The following DLGAP1 variants were observed in gnomAD, a reference collection of about 807,000 sequenced individuals.
The protein encoded by DLGAP1 is DLG associated protein 1.
Under a neutral mutation model 90.8 loss-of-function variants are expected in DLGAP1, and 11 were observed. That is an observed-to-expected ratio of 0.12 (90% CI 0.08 to 0.20). The LOEUF is 0.20. DLGAP1 is among the 10% of genes least tolerant of loss of function. DLGAP1 has a pLI of 1.00. For synonymous variants in DLGAP1, 558 were observed against 540.7 expected, an observed-to-expected ratio of 1.03 and a Z score of -0.44; for missense variants, 1,050 against 1,333.8, an observed-to-expected ratio of 0.79 and a Z score of 3.31.
At chr18:3,972,493 T>TCA (rs1247005949) in intron 3 of DLGAP1, among the ~76,000 whole-genome samples, 78 of 151,512 alleles carry the variant, frequency 5.1e-4, no homozygotes, top group African/African-American at 1.7e-3. Context: ...GGCAGTTGAG[T>TCA]CACACACACA....
intron 11 of DLGAP1, among the ~76,000 whole-genome samples, chr18:3,505,502 G>A (rs536774042): frequency 2.0e-5 from 3 of 151,584 alleles, no homozygotes; most frequent in African/African-American, 7.3e-5. Context: ...GCTGGGTGTC[G>A]TGGTGGGCGC....
chr18:4,108,841 AG>A (rs34431203), intron 2 of DLGAP1, among the ~76,000 whole-genome samples: 10,723 of 152,244 alleles, frequency 0.07, 551 homozygotes, highest in East Asian at 0.18. Flanking sequence ...AGAAGGAGAA[AG>A]GGCTCAGGCA....
chr18:3,922,322 A>C (rs1026511543), intron 3 of DLGAP1, among the ~76,000 whole-genome samples: 1 of 152,182 alleles, frequency 6.6e-6, no homozygotes, highest in Non-Finnish European at 1.5e-5. Flanking sequence ...TGAAAAGGAG[A>C]GGTGCCCGGC....
At chr18:4,225,805 A>C (rs999269427) in intron 1 of DLGAP1, among the ~76,000 whole-genome samples, 1 of 152,124 alleles carries the variant, frequency 6.6e-6, no homozygotes, top group Non-Finnish European at 1.5e-5. Flanking sequence ...CAAGTTCTAA[A>C]AAATAGCCCC....
chr18:3,973,754 G>A (rs1262708536), intron 3 of DLGAP1, among the ~76,000 whole-genome samples: 3 of 152,168 alleles, frequency 2.0e-5, no homozygotes, highest in South Asian at 2.1e-4. Flanking sequence ...CCCAGGGCTC[G>A]GGATCCATGT....
intron 2 of DLGAP1, among the ~76,000 whole-genome samples, chr18:4,093,403 C>T (rs1050843872): frequency 6.6e-6 from 1 of 152,112 alleles, no homozygotes; most frequent in South Asian, 2.1e-4. Flanking sequence ...GGACCAAATG[C>T]TGATTTAACA....
chr18:4,033,727 T>G (rs1417396554), intron 2 of DLGAP1, among the ~76,000 whole-genome samples: 4 of 151,380 alleles, frequency 2.6e-5, no homozygotes, highest in Non-Finnish European at 4.4e-5. Context: ...TGATTACCAC[T>G]GAAGTTTAGC....
At chr18:3,740,167 T>C (rs779628191) in intron 6 of DLGAP1, among the ~76,000 whole-genome samples, 1 of 152,232 alleles carries the variant, frequency 6.6e-6, no homozygotes, top group African/African-American at 2.4e-5. Flanking sequence ...GTATTCTGCA[T>C]GTATGACCCC....
intron 3 of DLGAP1, among the ~76,000 whole-genome samples, chr18:3,958,776 G>A (rs760117579): frequency 2.0e-5 from 3 of 152,182 alleles, no homozygotes; most frequent in Non-Finnish European, 2.9e-5. Flanking sequence ...AGGAGCTGAT[G>A]AGTAGCCAGT....
At chr18:3,717,750 C>T (rs2061815803) in intron 7 of DLGAP1, among the ~76,000 whole-genome samples, 1 of 152,198 alleles carries the variant, frequency 6.6e-6, no homozygotes, top group African/African-American at 2.4e-5. Flanking sequence ...TCTCAATTAA[C>T]AGATATTCAT....
At chr18:3,651,098 C>T (rs192077844) in intron 7 of DLGAP1, among the ~76,000 whole-genome samples, 39 of 150,246 alleles carry the variant, frequency 2.6e-4, no homozygotes, top group East Asian at 2.6e-3. Flanking sequence ...CGGTGGCTCA[C>T]GCCTGGAATC....
At chr18:3,792,153 C>T (rs1051144999) in intron 5 of DLGAP1, among the ~76,000 whole-genome samples, 1 of 152,112 alleles carries the variant, frequency 6.6e-6, no homozygotes, top group Non-Finnish European at 1.5e-5. Flanking sequence ...AGGGCAGCAG[C>T]CCTCTTCCCT....
At chr18:3,663,199 AG>A (rs990538666) in intron 7 of DLGAP1, among the ~76,000 whole-genome samples, 16 of 151,828 alleles carry the variant, frequency 1.1e-4, no homozygotes, top group African/African-American at 3.9e-4. Context: ...TGAATCTGGG[AG>A]GTGGAGGTTG....
rs1272466980 is a variant in DLGAP1, at chr18:3,729,805, C to T, written c.1351-430G>A. ...TGACATTCTTATTTATAAAGGCAAA[C>T]TTGGAGAAGAATTTTACCAGTCCAT... On this transcript the variant is annotated intron_variant, in intron 6 of 12. Coordinates refer to ENST00000315677, the MANE Select transcript of DLGAP1 (RefSeq NM_004746.4). The surrounding 1 kb of genome is among the most constrained non-coding windows in gnomAD (Gnocchi z 6.2). Among the ~76,000 whole-genome samples the T allele has an allele frequency of 1.3e-5, 2 of 152,176 alleles. No homozygotes were observed. Among genetic ancestry groups the T allele is most frequent in the African/African-American group, 4.8e-5 (2 of 41,438 alleles).
At chr18:3,837,849 C>CAAAAAAAAAAAAAAAAAA (rs5822770) in intron 4 of DLGAP1, among the ~76,000 whole-genome samples, 1 of 26,820 alleles carries the variant, frequency 3.7e-5, no homozygotes, top group Non-Finnish European at 6.3e-5. Flanking sequence ...GAGATTCTGT[C>CAAAAAAAAAAAAAAAAAA]AAAAAAAAAA....
intron 5 of DLGAP1, among the ~76,000 whole-genome samples, chr18:3,757,302 G>A (rs2063756990): frequency 1.3e-5 from 2 of 152,186 alleles, no homozygotes; most frequent in African/African-American, 4.8e-5. Flanking sequence ...CAGCTACTTA[G>A]GAGGCTTGAG....
rs60379984 is a variant in DLGAP1, at chr18:4,354,887, CAAAAAAAAAAAAA to C, written c.-267+100106_-267+100118del. On this transcript the variant is annotated intron_variant, in intron 1 of 12. Transcript: ENST00000315677. ...TGGCTTTTTCTGCAATTACTCTCACCAAAAAAAAAAAAAAAAAAAAAAAAAAAAAAAAAAAAAT... is the reference window on the plus strand; with the variant it reads ...TGGCTTTTTCTGCAATTACTCTCACCAAAAAAAAAAAAAAAAAAAAAAAAT... Among the ~76,000 whole-genome samples the C allele has an allele frequency of 5.6e-3, 134 of 23,862 alleles. 1 individual carries two copies. Among genetic ancestry groups the C allele is most frequent in the Middle Eastern group, 0.029 (1 of 34 alleles). The allele number at this position is 23,862 out of a possible 152,430, so 15.7% of individuals were successfully genotyped here. A position where few individuals can be genotyped will look rare whatever the true frequency, so the allele number is the denominator to read the frequency against.
intron 7 of DLGAP1, among the ~76,000 whole-genome samples, chr18:3,671,266 A>G (rs973730237): frequency 2.0e-5 from 3 of 150,684 alleles, no homozygotes; most frequent in African/African-American, 7.3e-5. Flanking sequence ...CACACAGCTC[A>G]TGGTTGCCTA....
intron 5 of DLGAP1, among the ~76,000 whole-genome samples, chr18:3,744,297 T>G (rs1274977663): frequency 6.6e-6 from 1 of 151,972 alleles, no homozygotes; most frequent in East Asian, 1.9e-4. Context: ...ATACATAAAT[T>G]AACAGCTTTT....
Sources: gnomAD v4.1 joint callset for allele counts (sites outside exome capture counted in the v4.1 genomes callset) on GRCh38, gnomAD v4.1.1 for gene constraint, Gnocchi (gnomAD v3.1) non-coding constraint, MANE v1.5 for transcripts, NCBI Gene and HGNC (gene_info 2026-07-23, HGNC 2026-07-21) for gene names.